Variants in ZNF106 observed in about 807,000 individuals in gnomAD.
ZNF106 encodes SH3-domain binding protein 3.
A neutral mutation model predicts 195.1 loss-of-function variants in ZNF106; 67 were observed. The ratio of observed to expected loss-of-function variants is 0.34; its 90% CI spans 0.28 to 0.42. The LOEUF is 0.42. Among genes scored for constraint, ZNF106 ranks in the 10% least tolerant of loss-of-function variants. ZNF106 has a pLI of 1.00. For missense variants in ZNF106, 2,118 were observed against 2,304.5 expected (o/e 0.92, Z 1.66); for synonymous variants, 784 against 818.6 (o/e 0.96, Z 0.72).
At chr15:42,422,660 C>T (rs771063247) in intron 17 of ZNF106, 40 bp from the exon 18 acceptor site, 30 of 1,567,100 alleles carry the variant, frequency 1.9e-5, no homozygotes, top group Middle Eastern at 1.7e-4. Flanking sequence ...GACTGACTTT[C>T]GAGACTCCTT....
At chr15:42,427,847 G>T in intron 15 of ZNF106, 171 bp downstream of exon 15, 1 of 523,344 alleles carries the variant, frequency 1.9e-6, no homozygotes, top group South Asian at 2.7e-5. Flanking sequence ...AGAGAGAATG[G>T]AGGATCTTGT....
intron 1 of ZNF106, among the ~76,000 whole-genome samples, chr15:42,486,638 G>T (rs1334237304): frequency 6.6e-6 from 1 of 152,022 alleles, no homozygotes; most frequent in East Asian, 1.9e-4. Context: ...TCATTTAGAA[G>T]TTTGGTGATG....
intron 4 of ZNF106, among the ~76,000 whole-genome samples, chr15:42,456,044 T>C (rs140876175): frequency 6.6e-6 from 1 of 152,352 alleles, no homozygotes; most frequent in East Asian, 1.9e-4. Context: ...AAAATTTATA[T>C]TGCTTAAATT....
At chr15:42,472,360 C>T in intron 1 of ZNF106, 39 bp from the exon 2 acceptor site, 1 of 1,443,620 alleles carries the variant, frequency 6.9e-7, no homozygotes, top group East Asian at 2.5e-5. Flanking sequence ...CTTTTCTCCT[C>T]AGTACCTTCT....
chr15:42,449,908 C>T lies in ZNF106; in HGVS notation c.2364G>A (p.Lys788=). ...GCCCAGACTCCTTCTCTGTCTCACT[C>T]TTTCGGTGACCGCTAATATTGCGAA... The part of the protein sequence containing the change: ...RRIRNISGHR[K]SETEKESGLK... Residue 788 remains lysine, a synonymous_variant, in exon 5 of 22, where the codon AAG becomes AAA. Transcript: ENST00000564754. 6.2e-7 allele frequency: 1 copy of T among 1,614,198 alleles called. No individual in the cohort carries two copies. The highest frequency in any genetic ancestry group is 8.5e-7 in the Non-Finnish European group (1 of 1,180,048).
intron 14 of ZNF106, among the ~76,000 whole-genome samples, chr15:42,433,231 G>A (rs1294501561): frequency 3.3e-5 from 5 of 151,604 alleles, no homozygotes; most frequent in African/African-American, 9.7e-5. Flanking sequence ...TCAGCCTCCC[G>A]AGTAGCTGGG....
At chr15:42,475,563 A>G (rs979687183) in intron 1 of ZNF106, among the ~76,000 whole-genome samples, 7 of 152,252 alleles carry the variant, frequency 4.6e-5, no homozygotes, top group African/African-American at 1.7e-4. Flanking sequence ...ACCTTTGTGG[A>G]TAGGTACAGT....
In ZNF106 at chr15:42,414,699, TACATC is replaced by T. The variant is rs2054386789; in HGVS notation, c.*2600_*2604del. ...GTCTCCTTCACTCTCATCTTTTCGA[TACATC>T]GTCAGGCAGGGCAGAAGGGCACTAC... On this transcript the variant is annotated 3_prime_UTR_variant, in exon 22 of 22. Coordinates refer to ENST00000564754, the MANE Select transcript of ZNF106 (RefSeq NM_001366845.3). The T allele has an allele frequency of 6.6e-6, 1 of 152,258 alleles. No individual in the cohort carries two copies. The highest frequency in any genetic ancestry group is 2.1e-4 in the South Asian group (1 of 4,834). The allele number at this position is 152,258 out of a possible 1,614,324, so 9.4% of individuals were successfully genotyped here. A position where few individuals can be genotyped will look rare whatever the true frequency, so the allele number is the denominator to read the frequency against.
chr15:42,483,346 A>C (rs946891132), intron 1 of ZNF106, among the ~76,000 whole-genome samples: 6 of 152,322 alleles, frequency 3.9e-5, no homozygotes, highest in African/African-American at 1.4e-4. Flanking sequence ...GGCTCCAAGC[A>C]ATGCTCAAGC....
intron 2 of ZNF106, among the ~76,000 whole-genome samples, chr15:42,470,474 A>T (rs1290171065): frequency 6.6e-6 from 1 of 152,190 alleles, no homozygotes; most frequent in Admixed American, 6.5e-5. Flanking sequence ...ATAAAAAGGC[A>T]AAAAATAAAA....
chr15:42,465,182 T>C (rs566694504), intron 3 of ZNF106, among the ~76,000 whole-genome samples: 283 of 152,322 alleles, frequency 1.9e-3, no homozygotes, highest in Non-Finnish European at 2.9e-3. Flanking sequence ...ATTACAGGCA[T>C]CAGCCACTGC....
At chr15:42,479,319 A>C (rs1161995038) in intron 1 of ZNF106, among the ~76,000 whole-genome samples, 1 of 152,070 alleles carries the variant, frequency 6.6e-6, no homozygotes, top group Non-Finnish European at 1.5e-5. Context: ...GGTTGCGGTG[A>C]GCTGAGATCA....
intron 14 of ZNF106, among the ~76,000 whole-genome samples, chr15:42,429,647 G>A (rs184334219): frequency 0.015 from 2,238 of 151,892 alleles, 40 homozygotes; most frequent in Middle Eastern, 0.034. Flanking sequence ...TTTCTCCCCT[G>A]AAAAAATCAC....
At position 42,442,372 on chromosome 15, in the gene ZNF106, C is replaced by G; in HGVS notation, c.3464G>C (p.Ser1155Thr). ...ACTGTTCCTTCGTTCTCGTGTGAGG[C>G]TACAGGGAACCTGGTCTGGGTGCTC... ...PSEHPDQVPC[S>T]LTRERRNSRS... The change falls in exon 10 of 22, where the codon AGC (serine) becomes ACC (threonine). Residue 1155 changes from serine (S) to threonine (T), a missense_variant. Transcript: ENST00000564754. 1 of 1,614,030 alleles carries G rather than the reference C, an allele frequency of 6.2e-7. No homozygotes were observed. The highest frequency in any genetic ancestry group is 8.5e-7 in the Non-Finnish European group (1 of 1,179,956).
At chr15:42,453,713 A>C (rs984622122) in intron 4 of ZNF106, among the ~76,000 whole-genome samples, 57 of 151,596 alleles carry the variant, frequency 3.8e-4, no homozygotes, top group Admixed American at 1.4e-3. Flanking sequence ...CTCCTGCCTC[A>C]GCCTCCTGAG....
At chr15:42,483,470 T>C (rs1227448319) in intron 1 of ZNF106, among the ~76,000 whole-genome samples, 1 of 152,202 alleles carries the variant, frequency 6.6e-6, no homozygotes, top group African/African-American at 2.4e-5. Context: ...CAGCTGTTCA[T>C]GAGGTGGCTC....
chr15:42,417,992 G>A (rs1229179206), intron 20 of ZNF106, 41 bp from the exon 21 acceptor site: 4 of 1,599,592 alleles, frequency 2.5e-6, no homozygotes, highest in Non-Finnish European at 3.4e-6. Flanking sequence ...GAAAAAGGGT[G>A]CAGTGAACGT....
chr15:42,458,037 C>T (rs2056288260), intron 3 of ZNF106, among the ~76,000 whole-genome samples: 1 of 152,144 alleles, frequency 6.6e-6, no homozygotes, highest in South Asian at 2.1e-4. Context: ...TTCTGGAAAT[C>T]CCTTGACTGG....
chr15:42,434,570 T>C (rs1595447338), intron 14 of ZNF106, among the ~76,000 whole-genome samples: 1 of 152,210 alleles, frequency 6.6e-6, no homozygotes, highest in Non-Finnish European at 1.5e-5. Context: ...ATCACATATA[T>C]TCCACCTATG....
Sources: allele counts gnomAD v4.1 joint callset (sites outside exome capture counted in the v4.1 genomes callset), GRCh38; gene constraint gnomAD v4.1.1; transcripts MANE v1.5; gene names NCBI Gene and HGNC (gene_info 2026-07-23, HGNC 2026-07-21).